The following ADAMTS17 variants were observed in gnomAD, a reference collection of about 807,000 sequenced individuals.
The protein encoded by ADAMTS17 is ADAM metallopeptidase with thrombospondin type 1 motif 17, also known as A disintegrin and metalloproteinase with thrombospondin motifs 17.
Under a neutral mutation model 141.5 loss-of-function variants are expected in ADAMTS17, and 113 were observed. The ratio of observed to expected loss-of-function variants is 0.80; its 90% confidence interval spans 0.69 to 0.93. ADAMTS17 has a LOEUF of 0.93. ADAMTS17 is among the 40% of genes least tolerant of loss of function. ADAMTS17 has a pLI of 0.00. For missense variants in ADAMTS17, 1,659 were observed against 1,517.9 expected (o/e 1.09, Z -1.54); for synonymous variants, 768 against 630.6 (o/e 1.22, Z -3.27).
chr15:100,235,016 A>T (rs188629501), intron 7 of ADAMTS17, among the ~76,000 whole-genome samples: 1 of 152,328 alleles, frequency 6.6e-6, no homozygotes. Context: ...CAAGGTAATT[A>T]TGTTCACGGA....
At chr15:100,152,970 T>TGGGAAAGAGAATACGTGC (rs1567265902) in intron 9 of ADAMTS17, among the ~76,000 whole-genome samples, 43 of 151,416 alleles carry the variant, frequency 2.8e-4, no homozygotes, top group Non-Finnish European at 4.4e-4. Flanking sequence ...GAATCTTCGC[T>TGGGAAAGAGAATACGTGC]CTGAAGGTAG....
At chr15:100,336,471 C>T (rs1362684610) in intron 2 of ADAMTS17, among the ~76,000 whole-genome samples, 1 of 152,172 alleles carries the variant, frequency 6.6e-6, no homozygotes, top group African/African-American at 2.4e-5. Flanking sequence ...GCCAAAGTGC[C>T]CCTTAACATC....
intron 12 of ADAMTS17, among the ~76,000 whole-genome samples, chr15:100,123,212 C>T (rs778029771): frequency 6.6e-6 from 1 of 152,156 alleles, no homozygotes; most frequent in African/African-American, 2.4e-5. Context: ...GAGAGACCAC[C>T]CTCACACAGT....
chr15:100,109,093 A>G lies in ADAMTS17; in HGVS notation c.1912T>C (p.Ser638Pro), dbSNP rs1340032116. 6.2e-7 allele frequency: 1 copy of G among 1,613,466 alleles called. No homozygotes were observed. Among genetic ancestry groups the G allele is most frequent in the Non-Finnish European group, 8.5e-7 (1 of 1,179,752 alleles). ...VDDKPCELYCSPLGKESPLLV... is the reference protein window; with the variant it reads ...VDDKPCELYCPPLGKESPLLV... Reference sequence around the variant, plus strand: ...AGTGGGGACTCCTTCCCGAGGGGCGAGCAGTAGAGTTCACATGGCTTATCT... The same window carrying G: ...AGTGGGGACTCCTTCCCGAGGGGCGGGCAGTAGAGTTCACATGGCTTATCT... The change falls in exon 14 of 22, where the codon TCG becomes CCG. Residue 638 changes from serine to proline, a missense_variant. Ser to Pro is a moderately conservative substitution (Grantham distance 74). Transcript: ENST00000268070.
intron 18 of ADAMTS17, among the ~76,000 whole-genome samples, chr15:100,048,080 G>C (rs1345641571): frequency 6.6e-6 from 1 of 152,078 alleles, no homozygotes; most frequent in African/African-American, 2.4e-5. Context: ...TCTTGTACTA[G>C]GCAAGCGGCA....
intron 2 of ADAMTS17, among the ~76,000 whole-genome samples, chr15:100,331,831 G>A (rs2046062936): frequency 6.6e-6 from 1 of 152,102 alleles, no homozygotes; most frequent in African/African-American, 2.4e-5. Context: ...CAAATCACCT[G>A]GAGGTCCTGC....
intron 8 of ADAMTS17, among the ~76,000 whole-genome samples, chr15:100,183,235 T>C (rs2040587439): frequency 6.6e-6 from 1 of 152,168 alleles, no homozygotes; most frequent in South Asian, 2.1e-4. Flanking sequence ...GTAATCTGCC[T>C]GCCTTGGCCT....
At chr15:100,330,563 G>A (rs528708046) in intron 3 of ADAMTS17, among the ~76,000 whole-genome samples, 4 of 152,232 alleles carry the variant, frequency 2.6e-5, no homozygotes, top group African/African-American at 7.2e-5. Context: ...TGAGCTCCTG[G>A]CCAGGGCACC....
At chr15:100,109,747 A>T (rs1443518510) in intron 13 of ADAMTS17, among the ~76,000 whole-genome samples, 1 of 152,110 alleles carries the variant, frequency 6.6e-6, no homozygotes, top group Non-Finnish European at 1.5e-5. Flanking sequence ...CTACTCCTAA[A>T]AACACATGAC....
chr15:100,173,255 C>A (rs572892384), intron 8 of ADAMTS17, among the ~76,000 whole-genome samples: 3 of 152,186 alleles, frequency 2.0e-5, no homozygotes, highest in African/African-American at 7.2e-5. Context: ...AATGCAATTA[C>A]AGTCTTTTAC....
intron 21 of ADAMTS17, among the ~76,000 whole-genome samples, chr15:99,975,146 G>A (rs2060295001): frequency 1.3e-5 from 2 of 152,216 alleles, no homozygotes; most frequent in Non-Finnish European, 1.5e-5. Flanking sequence ...CCAGCCTCAG[G>A]TAGGAAAATA....
intron 12 of ADAMTS17, among the ~76,000 whole-genome samples, chr15:100,117,830 C>T (rs2037234691): frequency 6.6e-6 from 1 of 152,208 alleles, no homozygotes; most frequent in Admixed American, 6.5e-5. Context: ...TATCCACTCC[C>T]ACCCCTCGCA....
chr15:100,246,415 T>C (rs1486012762), intron 7 of ADAMTS17, among the ~76,000 whole-genome samples: 1 of 152,208 alleles, frequency 6.6e-6, no homozygotes, highest in African/African-American at 2.4e-5. Flanking sequence ...TTGAAACCTT[T>C]CATAAAACCT....
At chr15:100,100,454 A>C (rs1056492426) in intron 14 of ADAMTS17, among the ~76,000 whole-genome samples, 1 of 151,922 alleles carries the variant, frequency 6.6e-6, no homozygotes, top group South Asian at 2.1e-4. Flanking sequence ...CAATCTCTCC[A>C]CTTTCAATGC....
At chr15:100,259,480 C>T (rs1381558878) in intron 6 of ADAMTS17, among the ~76,000 whole-genome samples, 1 of 152,318 alleles carries the variant, frequency 6.6e-6, no homozygotes, top group African/African-American at 2.4e-5. Context: ...CTGAAGGCTC[C>T]CAGTGCTCAC....
intron 7 of ADAMTS17, among the ~76,000 whole-genome samples, chr15:100,213,423 C>T (rs2041870244): frequency 6.6e-6 from 1 of 152,166 alleles, no homozygotes; most frequent in African/African-American, 2.4e-5. Flanking sequence ...ATGTCAACAT[C>T]CACTCTGTCA....
intron 3 of ADAMTS17, among the ~76,000 whole-genome samples, chr15:100,305,210 G>A (rs143473659): frequency 6.6e-6 from 1 of 152,122 alleles, no homozygotes; most frequent in Non-Finnish European, 1.5e-5. Context: ...ACCTTATAAA[G>A]CTTATCTCAT....
rs554997838 is a variant in ADAMTS17 at position 100,114,651 on chromosome 15, T to G, written c.1888+2196A>C. ...GTCCTCATCAAACAGGGCTGCTCTT[T>G]TCAGATCAAAGGCGGTGGCACTCTA... is the stretch of plus-strand genomic sequence containing the variant. On this transcript the variant is annotated intron_variant, in intron 13 of 21. Coordinates refer to ENST00000268070, the MANE Select transcript of ADAMTS17 (RefSeq NM_139057.4). Among the ~76,000 whole-genome samples, 128 of 152,278 alleles carry G rather than the reference T, an allele frequency of 8.4e-4. 1 individual carries two copies. Among genetic ancestry groups the G allele is most frequent in the African/African-American group, 2.8e-3 (116 of 41,544 alleles).
intron 18 of ADAMTS17, among the ~76,000 whole-genome samples, chr15:100,001,353 CTTTT>C (rs35364890): frequency 7.0e-6 from 1 of 142,006 alleles, no homozygotes; most frequent in Non-Finnish European, 1.5e-5. Context: ...GTCTCTTTTC[CTTTT>C]TTTTTTTTTT....
Sources: gnomAD v4.1 joint callset for allele counts (sites outside exome capture counted in the v4.1 genomes callset) on GRCh38, gnomAD v4.1.1 for gene constraint, MANE v1.5 for transcripts, NCBI Gene and HGNC (gene_info 2026-07-23, HGNC 2026-07-21) for gene names.